CFAP57: variants seen among roughly 807,000 people sequenced by gnomAD.
CFAP57 encodes cilia and flagella associated protein 57, also known as cilia- and flagella-associated protein 57.
A neutral mutation model predicts 146.8 loss-of-function variants in CFAP57; 116 were observed. That is an observed-to-expected ratio of 0.79 (90% CI 0.68 to 0.92). The LOEUF (loss-of-function observed/expected upper bound fraction) is 0.92, where lower values mean the gene tolerates loss of function less well. CFAP57 is among the 40% of genes least tolerant of loss of function. The probability of loss-of-function intolerance (pLI) is 0.00; values close to 1 mark genes in which losing one functional copy is unlikely to be tolerated. For missense variants in CFAP57, 1,377 were observed against 1,527.2 expected, an observed-to-expected ratio of 0.90 and a Z score of 1.64; for synonymous variants, 518 against 552.8, an observed-to-expected ratio of 0.94 and a Z score of 0.88.
At chr1:43,200,239 A>G (rs1644059120) in intron 9 of CFAP57, among the ~76,000 whole-genome samples, 1 of 152,184 alleles carries the variant, frequency 6.6e-6, no homozygotes, top group Non-Finnish European at 1.5e-5. Context: ...TAATCTAAGC[A>G]CTTTGGGAAG....
chr1:43,225,003 T>C (rs1201742673), intron 17 of CFAP57, among the ~76,000 whole-genome samples: 1 of 152,212 alleles, frequency 6.6e-6, no homozygotes, highest in Non-Finnish European at 1.5e-5. Flanking sequence ...CATGGGATCA[T>C]GCCTGGATGT....
chr1:43,177,200 G>C, intron 2 of CFAP57: 1 of 456,394 alleles, frequency 2.2e-6, no homozygotes, highest in Non-Finnish European at 4.4e-6. Context: ...AGGGATGATT[G>C]CTGTAATTCA....
chr1:43,186,425 C>T lies in CFAP57; in HGVS notation c.970-282C>T, dbSNP rs113586976. Among the ~76,000 whole-genome samples the T allele has an allele frequency of 7.0e-4, 106 of 152,080 alleles. 1 individual carries two copies. The highest frequency in any genetic ancestry group is 2.5e-3 in the African/African-American group (104 of 41,514). ...AGGAGATCGAGACCATCCTGGCTAACGCGGTGAAACCCTGTCTCTACTAAA... is the reference window on the plus strand; with the variant it reads ...AGGAGATCGAGACCATCCTGGCTAATGCGGTGAAACCCTGTCTCTACTAAA... On this transcript the variant is annotated intron_variant, in intron 5 of 22. Transcript: ENST00000372492.
intron 6 of CFAP57, chr1:43,194,906 G>C (rs181854400): frequency 3.9e-5 from 6 of 152,178 alleles, no homozygotes; most frequent in African/African-American, 1.2e-4. Context: ...ACTTGGAATG[G>C]CTAATTTCAA....
intron 9 of CFAP57, among the ~76,000 whole-genome samples, chr1:43,200,495 AAAAG>A (rs376180757): frequency 0.015 from 2,183 of 150,454 alleles, 60 homozygotes; most frequent in African/African-American, 0.043. Context: ...CTGAAAAAAA[AAAAG>A]AAAGAAAGAA....
chr1:43,240,700 G>A lies in CFAP57; in HGVS notation c.3406-2527G>A, dbSNP rs190188550. On this transcript the variant is annotated intron_variant, in intron 21 of 22. Coordinates refer to ENST00000372492, the MANE Select transcript of CFAP57 (RefSeq NM_001378189.1). ...CTGAGGCTGGGTAATTTATAAAGAA[G>A]AGAGGTTTATTTGGCTCACAGTTCT... Among the ~76,000 whole-genome samples, 923 of 152,304 alleles carry A rather than the reference G, an allele frequency of 6.1e-3. 9 individuals carry two copies. The highest frequency in any genetic ancestry group is 0.017 in the Middle Eastern group (5 of 294).
chr1:43,217,976 G>A (rs1012846517), intron 12 of CFAP57, among the ~76,000 whole-genome samples: 1 of 152,164 alleles, frequency 6.6e-6, no homozygotes, highest in South Asian at 2.1e-4. Flanking sequence ...GCCCTGGCCA[G>A]GCATTCCTGC....
At position 43,224,162 on chromosome 1, in the gene CFAP57, C is replaced by T. The variant is rs899165114; in HGVS notation, c.2823C>T (p.Leu941=). The T allele has an allele frequency of 1.2e-5, 19 of 1,549,436 alleles. No homozygotes were observed. The highest frequency in any genetic ancestry group is 4.1e-5 in the African/African-American group (3 of 72,962). The change falls in exon 17 of 23, where the codon CTC becomes CTT. Residue 941 remains leucine (L), a synonymous_variant. Coordinates refer to ENST00000372492, the MANE Select transcript of CFAP57 (RefSeq NM_001378189.1). The part of the protein sequence containing the change: ...IKSLEKDIQG[L]KREIQERDET... Reference sequence around the variant, plus strand: ...CTCTGGAGAAGGACATCCAAGGCCTCAAGCGAGAGATCCAGGAAAGAGACG... The same window carrying T: ...CTCTGGAGAAGGACATCCAAGGCCTTAAGCGAGAGATCCAGGAAAGAGACG...
intron 19 of CFAP57, among the ~76,000 whole-genome samples, chr1:43,233,099 G>C (rs1459471422): frequency 6.6e-6 from 1 of 152,218 alleles, no homozygotes; most frequent in African/African-American, 2.4e-5. Flanking sequence ...AGTACACACA[G>C]GGCTAATAAT....
At chr1:43,217,692 T>C (rs1305848941) in intron 12 of CFAP57, among the ~76,000 whole-genome samples, 1 of 152,116 alleles carries the variant, frequency 6.6e-6, no homozygotes, top group Admixed American at 6.5e-5. Context: ...CCTGTCTGTC[T>C]CTCGCCTGGT....
rs1222171818 is a variant in CFAP57, at chr1:43,222,166, G to C, written c.2403G>C (p.Lys801Asn). The change falls in exon 15 of 23, where the codon AAG (lysine) becomes AAC (asparagine). Residue 801 changes from lysine to asparagine, a missense_variant. By Grantham distance (94) the Lys-to-Asn change is moderately conservative. Coordinates refer to ENST00000372492, the MANE Select transcript of CFAP57 (RefSeq NM_001378189.1). ...AGAAGTACCAGGAGCTGCAGCTCAA[G>C]TCCCAGAGGATGCAGGAAGAGTATG... is the stretch of plus-strand genomic sequence containing the variant. The part of the protein sequence containing the change: ...EYEKYQELQL[K>N]SQRMQEEYEK... 6.5e-7 allele frequency: 1 copy of C among 1,548,252 alleles called. No homozygotes were observed. Among genetic ancestry groups the C allele is most frequent in the Non-Finnish European group, 8.7e-7 (1 of 1,145,622 alleles).
chr1:43,176,545 C>G (rs17390635), intron 2 of CFAP57, among the ~76,000 whole-genome samples: 38,968 of 152,066 alleles, frequency 0.26, 5,409 homozygotes, highest in Middle Eastern at 0.32. Flanking sequence ...TGATGAGGCT[C>G]AACATATTCA....
At chr1:43,252,762 G>C (rs913567275) in intron 22 of CFAP57, among the ~76,000 whole-genome samples, 3 of 152,154 alleles carry the variant, frequency 2.0e-5, no homozygotes, top group Non-Finnish European at 2.9e-5. Context: ...TTCCAAAATT[G>C]CATAGGCAGA....
At chr1:43,186,243 A>G (rs1174068988) in intron 5 of CFAP57, among the ~76,000 whole-genome samples, 3 of 152,036 alleles carry the variant, frequency 2.0e-5, no homozygotes, top group African/African-American at 7.2e-5. Context: ...CCCTCTCTCA[A>G]AAAAACAAAG....
At chr1:43,217,274 G>A (rs1644869741) in intron 12 of CFAP57, among the ~76,000 whole-genome samples, 1 of 152,164 alleles carries the variant, frequency 6.6e-6, no homozygotes. Flanking sequence ...ATTTAAGCTG[G>A]GGAATGACTT....
intron 6 of CFAP57, among the ~76,000 whole-genome samples, chr1:43,190,822 G>A (rs1456066718): frequency 1.3e-5 from 2 of 151,712 alleles, no homozygotes; most frequent in African/African-American, 4.8e-5. Context: ...TGCATTCTTG[G>A]GATAAAATCC....
intron 22 of CFAP57, among the ~76,000 whole-genome samples, chr1:43,250,019 A>G (rs1004408764): frequency 1.3e-5 from 2 of 152,196 alleles, no homozygotes; most frequent in Non-Finnish European, 2.9e-5. Flanking sequence ...CATTCTACCA[A>G]TAATTTTAAA....
intron 11 of CFAP57, chr1:43,211,604 G>A (rs1388092085): frequency 6.7e-6 from 1 of 149,474 alleles, no homozygotes; most frequent in Non-Finnish European, 1.5e-5. Context: ...CCTCATAATG[G>A]TATCATCATT....
chr1:43,253,796 C>T (rs1646378161), intron 22 of CFAP57, among the ~76,000 whole-genome samples, 181 bp from the exon 23 acceptor site: 1 of 152,114 alleles, frequency 6.6e-6, no homozygotes, highest in South Asian at 2.1e-4. Flanking sequence ...TATGCTGCTT[C>T]ACTTCTCCAT....
Sources: allele counts gnomAD v4.1 joint callset (sites outside exome capture counted in the v4.1 genomes callset), GRCh38; gene constraint gnomAD v4.1.1; transcripts MANE v1.5; gene names NCBI Gene and HGNC (gene_info 2026-07-23, HGNC 2026-07-21).